USP30: variants seen among roughly 807,000 people sequenced by gnomAD.
The protein encoded by USP30 is ubiquitin carboxyl-terminal hydrolase 30.
A neutral mutation model predicts 68.2 loss-of-function variants in USP30; 41 were observed. The ratio of observed to expected loss-of-function variants is 0.60; its 90% CI spans 0.47 to 0.78. The LOEUF is 0.78. USP30 is among the 30% of genes least tolerant of loss of function. The probability of loss-of-function intolerance (pLI) is 0.00; values close to 1 mark genes in which losing one functional copy is unlikely to be tolerated. For missense variants in USP30, 522 were observed against 649.4 expected (o/e 0.80, Z 2.13); for synonymous variants, 229 against 253.7 (o/e 0.90, Z 0.93).
chr12:109,054,994 A>G (rs1336345838), intron 1 of USP30, among the ~76,000 whole-genome samples: 1 of 152,184 alleles, frequency 6.6e-6, no homozygotes, highest in African/African-American at 2.4e-5. Context: ...ACATGATCCA[A>G]ATACTGGGAT....
rs2040933343 is a variant in USP30, at chr12:109,058,121, G to A, written c.376+13G>A. 1.3e-6 allele frequency: 2 copies of A among 1,587,812 alleles called. No homozygotes were observed. The highest frequency in any genetic ancestry group is 1.8e-5 in the Admixed American group (1 of 54,210). ...CACCTTCTGAAAGGTATCTAGATGG[G>A]AATTTCAAGGGAATTATGTACCTTT... On this transcript the variant is annotated intron_variant, in intron 3 of 12. Coordinates refer to ENST00000257548, the MANE Select transcript of USP30 (RefSeq NM_032663.5).
At chr12:109,033,597 T>A (rs1376133666) in intron 3 of USP30, among the ~76,000 whole-genome samples, 2 of 152,104 alleles carry the variant, frequency 1.3e-5, no homozygotes, top group Non-Finnish European at 2.9e-5. Context: ...ATGACCAAAT[T>A]TGTATGATCA....
At chr12:109,054,937 C>T (rs1015526055) in intron 1 of USP30, 10 of 152,180 alleles carry the variant, frequency 6.6e-5, no homozygotes, top group Admixed American at 3.3e-4. Flanking sequence ...CCACCAGTGA[C>T]TCTTCACCAA....
At chr12:109,074,528 A>C (rs573469836) in intron 7 of USP30, among the ~76,000 whole-genome samples, 1 of 152,224 alleles carries the variant, frequency 6.6e-6, no homozygotes, top group African/African-American at 2.4e-5. Context: ...TCACAGCCTC[A>C]CCCACATTTT....
rs1204105492 is a variant in USP30 at position 109,082,725 on chromosome 12, A to C, written c.930A>C (p.Lys310Asn). Residue 310 changes from lysine to asparagine, a missense_variant, in exon 10 of 13, where the codon AAA becomes AAC. Coordinates refer to ENST00000257548, the MANE Select transcript of USP30 (RefSeq NM_032663.5). ...AACACCAGAGGACCACTTTTGTTAA[A>C]CAGTTAAAACTAGGGAAGGTGAGCC... ...KVEHQRTTFV[K>N]QLKLGKLPQC... 7 of 1,614,050 alleles carry C rather than the reference A, an allele frequency of 4.3e-6. No homozygotes were observed. In the Admixed American group the frequency reaches 1.2e-4, roughly 27 times the overall value.
chr12:109,052,621 C>CGGCGG lies in USP30; in HGVS notation c.-58_-57insGGCGG. 2.2e-6 allele frequency: 3 copies of CGGCGG among 1,354,956 alleles called. No homozygotes were observed. Among genetic ancestry groups the CGGCGG allele is most frequent in the South Asian group, 3.0e-5 (2 of 65,702 alleles). 83.9% of individuals were successfully genotyped at this position (1,354,956 alleles called of 1,614,324 possible). A position where few individuals can be genotyped will look rare whatever the true frequency, so the allele number is the denominator to read the frequency against. ...CTCGGGAACCGTCGTATCCCTCGGT[C>CGGCGG]CGGCGGCGGCGGCGGCGGTAGCGGA... On this transcript the variant is annotated 5_prime_UTR_variant, in exon 1 of 13. Transcript: ENST00000257548.
At chr12:109,066,461 G>A (rs1436010565) in intron 3 of USP30, among the ~76,000 whole-genome samples, 2 of 152,082 alleles carry the variant, frequency 1.3e-5, no homozygotes, top group Non-Finnish European at 2.9e-5. Flanking sequence ...TGAGGTGGGC[G>A]ATCATGAGGT....
rs182983286 is a variant in USP30 at position 109,035,435 on chromosome 12, C to T, written c.-136+7879C>T. On this transcript the variant is annotated intron_variant, in intron 3 of 15. Transcript: ENST00000392784. Reference sequence around the variant, plus strand: ...CTGGAGTGCAGTGGCACAATCTCGGCTTACTGCAACCTCCGCCTCCCGGGT... The same window carrying T: ...CTGGAGTGCAGTGGCACAATCTCGGTTTACTGCAACCTCCGCCTCCCGGGT... Among the ~76,000 whole-genome samples, 152 of 152,276 alleles carry T rather than the reference C, an allele frequency of 1.0e-3. 3 individuals carry two copies. The highest frequency in any genetic ancestry group is 2.6e-4 in the Non-Finnish European group (18 of 68,024).
chr12:109,041,753 G>A (rs577376329), intron 3 of USP30, among the ~76,000 whole-genome samples: 32 of 152,076 alleles, frequency 2.1e-4, no homozygotes, highest in African/African-American at 7.0e-4. Flanking sequence ...ATTTATCATG[G>A]CATTCCTTGA....
upstream of USP30, among the ~76,000 whole-genome samples, chr12:109,048,945 T>C (rs1459488137): frequency 6.6e-6 from 1 of 152,184 alleles, no homozygotes; most frequent in Non-Finnish European, 1.5e-5. Flanking sequence ...CTGTTGTGTC[T>C]AAACTTCTAA....
intron 3 of USP30, among the ~76,000 whole-genome samples, chr12:109,042,201 CT>C (rs397812148): frequency 1.3e-3 from 189 of 145,420 alleles, no homozygotes; most frequent in South Asian, 3.5e-3. Context: ...TTCTGATGAG[CT>C]TTTTTTTTTC....
intron 6 of USP30, among the ~76,000 whole-genome samples, chr12:109,072,640 C>T (rs2041481190): frequency 2.0e-5 from 3 of 152,160 alleles, no homozygotes; most frequent in African/African-American, 7.2e-5. Flanking sequence ...TGAGCTGAAT[C>T]TGTCGTGTCC....
Position 109,086,027 on chromosome 12 carries a change from G to T in USP30, c.*96G>T. On this transcript the variant is annotated 3_prime_UTR_variant, in exon 13 of 13. Transcript: ENST00000257548. Reference sequence around the variant, plus strand: ...GTTGCGTGTGCAAGCGGCCCCACTAGAGCCTTCCAGCCTTCTGGTGTGTTC... The same window carrying T: ...GTTGCGTGTGCAAGCGGCCCCACTATAGCCTTCCAGCCTTCTGGTGTGTTC... 1 of 1,473,386 alleles carries T rather than the reference G, an allele frequency of 6.8e-7. No individual in the cohort carries two copies. 91.3% of individuals were successfully genotyped at this position (1,473,386 alleles called of 1,614,324 possible). A position where few individuals can be genotyped will look rare whatever the true frequency, so the allele number is the denominator to read the frequency against.
upstream of USP30, among the ~76,000 whole-genome samples, chr12:109,049,646 C>G (rs1277402826): frequency 6.6e-6 from 1 of 151,906 alleles, no homozygotes; most frequent in African/African-American, 2.4e-5. Flanking sequence ...GGAACCCCAT[C>G]TCTACTAAAA....
At chr12:109,024,292 C>G (rs1168065063) in intron 1 of USP30, among the ~76,000 whole-genome samples, 2 of 152,094 alleles carry the variant, frequency 1.3e-5, no homozygotes, top group African/African-American at 2.4e-5. Context: ...AGATCTGGCT[C>G]TATCATCCAG....
chr12:109,055,401 T>TATATATA (rs61062424), intron 1 of USP30, among the ~76,000 whole-genome samples: 11 of 29,630 alleles, frequency 3.7e-4, no homozygotes, highest in African/African-American at 1.2e-3. Context: ...TATATATATA[T>TATATATA]TTTTTTTTTT....
intron 8 of USP30, chr12:109,081,708 C>T (rs2041808575): frequency 6.6e-6 from 4 of 607,464 alleles, no homozygotes; most frequent in African/African-American, 3.7e-5. Flanking sequence ...GCGTGGAAGT[C>T]CACAAGTTCG....
At chr12:109,052,827 C>A in intron 1 of USP30, 66 bp downstream of exon 1, 2 of 1,374,270 alleles carry the variant, frequency 1.5e-6, no homozygotes, top group Non-Finnish European at 1.9e-6. Context: ...GGGCCCGTGA[C>A]GGCTTTTTCA....
intron 3 of USP30, among the ~76,000 whole-genome samples, chr12:109,045,285 C>A (rs752824291): frequency 1.1e-4 from 17 of 152,184 alleles, no homozygotes; most frequent in Non-Finnish European, 2.9e-5. Context: ...GCCCAAACAT[C>A]TTTCCAAAGG....
Sources: allele counts gnomAD v4.1 joint callset (sites outside exome capture counted in the v4.1 genomes callset), GRCh38; gene constraint gnomAD v4.1.1; transcripts MANE v1.5; gene names NCBI Gene and HGNC (gene_info 2026-07-23, HGNC 2026-07-21).